DLG5: variants seen among roughly 807,000 people sequenced by gnomAD.
The protein encoded by DLG5 is disks large homolog 5.
DLG5 carries 48 observed loss-of-function variants against 189.8 expected under a neutral mutation model. That is an observed-to-expected ratio of 0.25 (90% CI 0.20 to 0.32). The LOEUF (loss-of-function observed/expected upper bound fraction) is 0.32, where lower values mean the gene tolerates loss of function less well. Among genes scored for constraint, DLG5 ranks in the 10% least tolerant of loss-of-function variants. The pLI is 1.00. For missense variants in DLG5, 2,160 were observed against 2,544.7 expected, an observed-to-expected ratio of 0.85 and a Z score of 3.25; for synonymous variants, 1,016 against 1,054.1, an observed-to-expected ratio of 0.96 and a Z score of 0.70.
At chr10:77,803,886 A>AT (rs71030905) in intron 27 of DLG5, among the ~76,000 whole-genome samples, 2,125 of 129,362 alleles carry the variant, frequency 0.016, 42 homozygotes, top group African/African-American at 0.044. Context: ...ACAGGTTGGC[A>AT]TTTTTTTTTT....
At chr10:77,933,271 TTTTG>T in the DLG5 span, among the ~76,000 whole-genome samples, 1 of 151,994 alleles carries the variant, frequency 6.6e-6, no homozygotes, top group African/African-American at 2.4e-5. Context: ...TTGTTTGGGT[TTTTG>T]TTTTTGTTTT....
Position 77,926,413 on chromosome 10 carries a change from GA to G in DLG5, c.107del (p.Leu36ProfsTer53). The G allele has an allele frequency of 6.3e-7, 1 of 1,582,586 alleles. No homozygotes were observed. The highest frequency in any genetic ancestry group is 8.6e-7 in the Non-Finnish European group (1 of 1,166,854). ...VLGLLEAAGA[L>X]SPGERRQLDE... ...CCAGCTGCCGCCGCTCGCCGGGACT[GA>G]GCGCTCCCGCGGCCTCGAGCAGCCC... On this transcript the variant is annotated frameshift_variant, in exon 1 of 32. Transcript: ENST00000372391. LOFTEE classifies it high-confidence loss of function. The surrounding 1 kb of genome is among the most constrained non-coding windows in gnomAD (Gnocchi z 5.2).
chr10:77,829,628 G>T, intron 11 of DLG5, 98 bp from the exon 12 acceptor site: 1 of 1,392,018 alleles, frequency 7.2e-7, no homozygotes, highest in Non-Finnish European at 9.8e-7. Flanking sequence ...CCAAGGAGTG[G>T]GTGCCTCACA....
At chr10:77,815,120 T>C (rs1350827980) in intron 20 of DLG5, among the ~76,000 whole-genome samples, 1 of 152,096 alleles carries the variant, frequency 6.6e-6, no homozygotes, top group Non-Finnish European at 1.5e-5. Flanking sequence ...GCAAGGCCTT[T>C]TCCACAACTG....
rs1267360780 is a variant in DLG5 at position 77,811,929 on chromosome 10, C to G, written c.4317G>C (p.Arg1439=). Residue 1439 remains arginine, a synonymous_variant, in exon 22 of 32, where the codon CGG becomes CGC. Coordinates refer to ENST00000372391, the MANE Select transcript of DLG5 (RefSeq NM_004747.4). ...PHVHQLSSHS[R]SSSHLDPAGT... ...CCTGGGAGGCCCGCACTCACCTGGA[C>G]CGGGAGTGGCTGCTGAGCTGGTGCA... 1 of 1,605,658 alleles carries G rather than the reference C, an allele frequency of 6.2e-7. No homozygotes were observed. Among genetic ancestry groups the G allele is most frequent in the Non-Finnish European group, 8.5e-7 (1 of 1,179,824 alleles).
chr10:77,850,965 A>G (rs1564547601), intron 5 of DLG5, among the ~76,000 whole-genome samples: 1 of 152,266 alleles, frequency 6.6e-6, no homozygotes, highest in East Asian at 1.9e-4. Context: ...GCAAAAGGTT[A>G]CCTGAGCCAA....
At chr10:77,856,099 C>G (rs965609024) in intron 3 of DLG5, among the ~76,000 whole-genome samples, 1 of 152,082 alleles carries the variant, frequency 6.6e-6, no homozygotes, top group Non-Finnish European at 1.5e-5. Flanking sequence ...AATTCCAGCA[C>G]TCTGGGAGGC....
intron 2 of DLG5, among the ~76,000 whole-genome samples, chr10:77,858,605 T>G (rs186785386): frequency 6.6e-6 from 1 of 152,262 alleles, no homozygotes; most frequent in East Asian, 1.9e-4. Context: ...ACCACTGTAT[T>G]CCAGCCTGGG....
chr10:77,893,426 C>T (rs1845667814), intron 1 of DLG5, among the ~76,000 whole-genome samples: 1 of 152,236 alleles, frequency 6.6e-6, no homozygotes, highest in Non-Finnish European at 1.5e-5. Flanking sequence ...CATCTCAGCC[C>T]CACTTTACTG....
upstream of DLG5, among the ~76,000 whole-genome samples, chr10:77,931,633 C>T (rs1274824465): frequency 6.6e-6 from 1 of 152,116 alleles, no homozygotes; most frequent in Non-Finnish European, 1.5e-5. Context: ...ATCCTTCACA[C>T]CTCCTCTACT....
the DLG5 span, among the ~76,000 whole-genome samples, chr10:77,936,800 C>T: frequency 1.3e-5 from 2 of 152,182 alleles, no homozygotes; most frequent in African/African-American, 4.8e-5. Context: ...CCCTGCGAGG[C>T]CTATGCCCTA....
At chr10:77,822,768 A>T (rs1842435559) in intron 14 of DLG5, among the ~76,000 whole-genome samples, 1 of 152,246 alleles carries the variant, frequency 6.6e-6, no homozygotes, top group South Asian at 2.1e-4. Context: ...ATAAATTAGC[A>T]CTAAAAAGAA....
intron 1 of DLG5, among the ~76,000 whole-genome samples, chr10:77,905,160 T>A (rs1451071164): frequency 6.6e-6 from 1 of 151,446 alleles, no homozygotes; most frequent in African/African-American, 2.4e-5. Context: ...CCTGGCTCCT[T>A]GTCATTTTTA....
upstream of DLG5, chr10:77,927,560 G>A (rs2131893013): frequency 6.6e-6 from 1 of 152,388 alleles, no homozygotes; most frequent in Non-Finnish European, 1.5e-5. Flanking sequence ...CTGGTCCCCA[G>A]AGTGTAAAGG....
intron 1 of DLG5, among the ~76,000 whole-genome samples, chr10:77,906,574 G>C (rs1846074738): frequency 6.6e-6 from 1 of 151,464 alleles, no homozygotes; most frequent in African/African-American, 2.4e-5. Context: ...TCCTCCCAAG[G>C]AGGTCGACTG....
intron 13 of DLG5, 178 bp from the exon 14 acceptor site, chr10:77,824,654 G>A: frequency 1.8e-6 from 1 of 570,702 alleles, no homozygotes; most frequent in Non-Finnish European, 3.1e-6. Flanking sequence ...CAACTAAGGG[G>A]ATTCTGAGGT....
intron 5 of DLG5, among the ~76,000 whole-genome samples, chr10:77,850,461 G>A (rs1843913941): frequency 6.6e-6 from 1 of 152,138 alleles, no homozygotes. Flanking sequence ...TAGACCTTTG[G>A]GTTGTTACCG....
Position 77,819,405 on chromosome 10 carries a change from A to G in DLG5, c.3587T>C (p.Ile1196Thr), listed in dbSNP as rs1193501469. 4 of 1,613,888 alleles carry G rather than the reference A, an allele frequency of 2.5e-6. No individual in the cohort carries two copies. Among genetic ancestry groups the G allele is most frequent in the Non-Finnish European group, 3.4e-6 (4 of 1,180,014 alleles). ...TTVSSILRNP[I>T]YTVRSHRVGP... ...GACCCTGTGACTGCGCACAGTGTAG[A>G]TGGGGTTCCGCAGGATGGAGCTCAC... Residue 1196 changes from isoleucine to threonine, a missense_variant, in exon 17 of 32, where the codon ATC becomes ACC. Transcript: ENST00000372391.
At chr10:77,875,300 T>G (rs955384044) in intron 1 of DLG5, among the ~76,000 whole-genome samples, 2 of 152,032 alleles carry the variant, frequency 1.3e-5, no homozygotes, top group Non-Finnish European at 2.9e-5. Flanking sequence ...GATAAGCACA[T>G]GAGAAGCCCG....
Sources: allele counts gnomAD v4.1 joint callset (sites outside exome capture counted in the v4.1 genomes callset), GRCh38; gene constraint gnomAD v4.1.1; non-coding constraint Gnocchi (gnomAD v3.1); transcripts MANE v1.5; gene names NCBI Gene and HGNC (gene_info 2026-07-23, HGNC 2026-07-21).